Variants in MICAL3 observed in about 807,000 individuals in gnomAD.
MICAL3 encodes the protein microtubule associated monooxygenase, calponin and LIM domain containing 3.
Under a neutral mutation model 207.4 loss-of-function variants are expected in MICAL3, and 62 were observed. That is an observed-to-expected ratio of 0.30 (90% CI 0.24 to 0.37). The LOEUF is 0.37. Ranked by LOEUF, MICAL3 falls within the 10% of genes least tolerant of loss-of-function variation. The pLI, the probability that MICAL3 is intolerant of heterozygous loss-of-function variation, is 1.00. For missense variants in MICAL3, 2,368 were observed against 2,635.6 expected (o/e 0.90, Z 2.22); for synonymous variants, 1,077 against 1,069.3 (o/e 1.01, Z -0.14).
intron 1 of MICAL3, chr22:18,004,734 C>A (rs148476695): frequency 1.3e-5 from 2 of 152,100 alleles, no homozygotes; most frequent in African/African-American, 2.4e-5. Flanking sequence ...TATTATTCGC[C>A]TTAGTACCGT....
chr22:17,810,093 C>T (rs1005575501), intron 28 of MICAL3, among the ~76,000 whole-genome samples: 1 of 134,334 alleles, frequency 7.4e-6, no homozygotes, highest in Non-Finnish European at 1.5e-5. Context: ...GACAGAGTCT[C>T]TCTGTGTCGC....
chr22:17,889,848 T>A (rs1340806076), intron 12 of MICAL3, among the ~76,000 whole-genome samples: 1 of 152,110 alleles, frequency 6.6e-6, no homozygotes, highest in Non-Finnish European at 1.5e-5. Context: ...CTTTAATATA[T>A]CTTGATCCTT....
Position 17,804,208 on chromosome 22 carries a change from A to G in MICAL3, c.5650+4636T>C, listed in dbSNP as rs1181518385. On this transcript the variant is annotated intron_variant, in intron 29 of 31. Transcript: ENST00000441493. The stretch of plus-strand genomic sequence containing the variant: ...TGGGAACTCCTGCCCCTGGGACTGA[A>G]CCTTCTCTAACTAAGAGTTAATAGA... Among the ~76,000 whole-genome samples the G allele has an allele frequency of 2.6e-5, 4 of 152,078 alleles. No homozygotes were observed. The East Asian group carries it at 7.7e-4, about 29-fold the overall frequency.
intron 29 of MICAL3, among the ~76,000 whole-genome samples, chr22:17,800,666 G>A (rs1054740493): frequency 1.3e-5 from 2 of 152,164 alleles, no homozygotes; most frequent in African/African-American, 4.8e-5. Context: ...AATGCTCCGA[G>A]GGCTGCTTGG....
intron 8 of MICAL3, 73 bp from the exon 9 acceptor site, chr22:17,896,434 CA>C (rs1930836602): frequency 2.0e-6 from 2 of 988,138 alleles, no homozygotes; most frequent in Non-Finnish European, 3.1e-6. Flanking sequence ...AACTAAGGAA[CA>C]AAGAGTTTGC....
At chr22:17,962,900 C>T (rs1167821918) in intron 1 of MICAL3, among the ~76,000 whole-genome samples, 1 of 152,064 alleles carries the variant, frequency 6.6e-6, no homozygotes, top group Admixed American at 6.6e-5. Context: ...AGGAGCACAC[C>T]ACCATGCCCA....
Position 17,810,215 on chromosome 22 carries a change from AC to A in MICAL3, c.5556+487del, listed in dbSNP as rs1210801425. On this transcript the variant is annotated intron_variant, in intron 28 of 31. Transcript: ENST00000441493. ...GTAGCTGGGACTACAGGCACTTGCC[AC>A]CACGCCTGGCTAATTTTTTGTATTT... Among the ~76,000 whole-genome samples the A allele has an allele frequency of 2.4e-4, 36 of 151,940 alleles. 1 individual carries two copies. The South Asian group carries it at 7.3e-3, about 31-fold the overall frequency.
rs762210038 is a variant in MICAL3, at chr22:17,886,028, T to C, written c.2091A>G (p.Arg697=). 9 of 1,613,894 alleles carry C rather than the reference T, an allele frequency of 5.6e-6. No individual in the cohort carries two copies. The highest frequency in any genetic ancestry group is 1.7e-5 in the Admixed American group (1 of 60,000). The change falls in exon 16 of 32, where the codon AGA becomes AGG. Residue 697 remains arginine (R), a synonymous_variant. Transcript: ENST00000441493. ...TGCTCACCAGGGTCGGTCTTTCTCC[T>C]CTGTGGCCCCGAGGAGCTTCCTCCT... ...SEEEEAPRGH[R]GERPTLVSTL... is the part of the protein sequence containing the mutation.
At chr22:17,862,871 C>T in intron 19 of MICAL3, 1 of 985,482 alleles carries the variant, frequency 1.0e-6, no homozygotes, top group Non-Finnish European at 1.2e-6. Flanking sequence ...CAGTGCCTGT[C>T]ATTAACTGTA....
chr22:17,876,770 A>AGGGAG (rs1928440774), intron 16 of MICAL3: 2 of 46,296 alleles, frequency 4.3e-5, no homozygotes, highest in African/African-American at 1.4e-4. Context: ...AGGTTAGGGA[A>AGGGAG]GTTATGGAGG....
At chr22:17,960,556 G>T (rs1404915866) in intron 1 of MICAL3, among the ~76,000 whole-genome samples, 1 of 152,178 alleles carries the variant, frequency 6.6e-6, no homozygotes, top group Admixed American at 6.5e-5. Context: ...AGTGTGTGTG[G>T]GAAGGAGACT....
At chr22:17,908,742 G>A (rs1931925849) in intron 1 of MICAL3, among the ~76,000 whole-genome samples, 1 of 152,192 alleles carries the variant, frequency 6.6e-6, no homozygotes, top group South Asian at 2.1e-4. Context: ...AACTGGACTG[G>A]ACTTTGCTTT....
At chr22:17,820,300 G>T in intron 25 of MICAL3, among the ~76,000 whole-genome samples, 1 of 152,106 alleles carries the variant, frequency 6.6e-6, no homozygotes, top group African/African-American at 2.4e-5. Context: ...GTCACAGTTG[G>T]CTTTGCAGCA....
chr22:18,015,384 A>G (rs1031107501), intron 1 of MICAL3, among the ~76,000 whole-genome samples: 11 of 151,684 alleles, frequency 7.3e-5, no homozygotes, highest in Admixed American at 3.9e-4. Flanking sequence ...GTATAATAAC[A>G]GCAAGAGAAT....
intron 17 of MICAL3, among the ~76,000 whole-genome samples, chr22:17,869,369 G>C (rs1378369231): frequency 6.6e-6 from 1 of 152,070 alleles, no homozygotes. Flanking sequence ...GGCTGGCTTG[G>C]AGGCTGCTGC....
intron 5 of MICAL3, among the ~76,000 whole-genome samples, chr22:17,901,314 T>C (rs1170571112): frequency 6.6e-6 from 1 of 152,170 alleles, no homozygotes; most frequent in African/African-American, 2.4e-5. Flanking sequence ...GTAGATTAAG[T>C]CCTACAGGTG....
intron 1 of MICAL3, among the ~76,000 whole-genome samples, chr22:17,942,398 G>T (rs1933849678): frequency 6.6e-6 from 1 of 152,086 alleles, no homozygotes; most frequent in South Asian, 2.1e-4. Context: ...CCTCTGCCTG[G>T]TACCACCTCC....
intron 1 of MICAL3, 38 bp from the exon 2 acceptor site, chr22:17,906,924 T>G: frequency 2.8e-6 from 3 of 1,080,866 alleles, no homozygotes; most frequent in African/African-American, 1.6e-5. Flanking sequence ...AGCATTTCTC[T>G]GTCTACAAAC....
chr22:17,881,912 G>A (rs1342634702), intron 16 of MICAL3, among the ~76,000 whole-genome samples: 3 of 152,124 alleles, frequency 2.0e-5, no homozygotes, highest in East Asian at 1.9e-4. Context: ...CCCCTCCACC[G>A]TATTCCCTTC....
Sources: gnomAD v4.1 joint callset for allele counts (sites outside exome capture counted in the v4.1 genomes callset) on GRCh38, gnomAD v4.1.1 for gene constraint, MANE v1.5 for transcripts, NCBI Gene and HGNC (gene_info 2026-07-23, HGNC 2026-07-21) for gene names.